The following NRXN1 variants were observed in gnomAD, a reference collection of about 807,000 sequenced individuals.
NRXN1 encodes the protein neurexin 1, also known as neurexin-1.
Under a neutral mutation model 150.9 loss-of-function variants are expected in NRXN1, and 39 were observed. That is an observed-to-expected ratio of 0.26 (90% CI 0.20 to 0.34). The LOEUF is 0.34. Ranked by LOEUF, NRXN1 falls within the 10% of genes least tolerant of loss-of-function variation. The probability of loss-of-function intolerance (pLI) is 1.00; values close to 1 mark genes in which losing one functional copy is unlikely to be tolerated. For missense variants in NRXN1, 1,815 were observed against 1,949.9 expected (o/e 0.93, Z 1.30); for synonymous variants, 924 against 757.0 (o/e 1.22, Z -3.62).
At chr2:50,202,075 A>C (rs1314850452) in intron 18 of NRXN1, among the ~76,000 whole-genome samples, 1 of 152,188 alleles carries the variant, frequency 6.6e-6, no homozygotes, top group Non-Finnish European at 1.5e-5. Flanking sequence ...TAAAGGGGGA[A>C]ACACATTTGT....
At chr2:50,628,369 C>G (rs914620594) in intron 5 of NRXN1, among the ~76,000 whole-genome samples, 3 of 151,630 alleles carry the variant, frequency 2.0e-5, no homozygotes, top group African/African-American at 7.3e-5. Context: ...AAGGCAACCA[C>G]ATAGTTTTGG....
chr2:50,497,280 C>T lies in NRXN1; in HGVS notation c.2879+53G>A, dbSNP rs75983042. On this transcript the variant is annotated intron_variant, in intron 14 of 22. Transcript: ENST00000401669. Reference sequence around the variant, plus strand: ...CTTAGTGTATATTTTTGGAAATTGACGTCCATTTTTCCAAAGTTTTATTTA... The same window carrying T: ...CTTAGTGTATATTTTTGGAAATTGATGTCCATTTTTCCAAAGTTTTATTTA... 2,886 of 1,378,480 alleles carry T rather than the reference C, an allele frequency of 2.1e-3. 55 individuals carry two copies. The African/African-American group carries it at 0.037, about 18-fold the overall frequency. The allele number at this position is 1,378,480 out of a possible 1,614,324, so 85.4% of individuals were successfully genotyped here. A position where few individuals can be genotyped will look rare whatever the true frequency, so the allele number is the denominator to read the frequency against.
At chr2:50,935,505 C>T (rs2104432935) in intron 2 of NRXN1, among the ~76,000 whole-genome samples, 1 of 152,200 alleles carries the variant, frequency 6.6e-6, no homozygotes, top group South Asian at 2.1e-4. Flanking sequence ...GAGGCCAAGG[C>T]AGGCAGATCA....
At chr2:50,384,376 T>C (rs1374087934) in intron 17 of NRXN1, among the ~76,000 whole-genome samples, 1 of 151,548 alleles carries the variant, frequency 6.6e-6, no homozygotes, top group East Asian at 1.9e-4. Flanking sequence ...TGTGGTTGTA[T>C]GCGCCTGTAG....
intron 2 of NRXN1, among the ~76,000 whole-genome samples, chr2:50,976,878 G>C (rs909894984): frequency 2.0e-5 from 3 of 151,978 alleles, no homozygotes; most frequent in South Asian, 2.1e-4. Context: ...TTAAGATATA[G>C]CCAAAAGAAT....
At chr2:50,260,801 C>A (rs983023925) in intron 17 of NRXN1, among the ~76,000 whole-genome samples, 2 of 151,506 alleles carry the variant, frequency 1.3e-5, no homozygotes, top group South Asian at 4.1e-4. Flanking sequence ...ATATTTGAAG[C>A]ACAGATTTCA....
rs113324227 is a variant in NRXN1, at chr2:50,489,519, A to C, written c.3070+6386T>G. Among the ~76,000 whole-genome samples the C allele has an allele frequency of 3.4e-4, 51 of 152,126 alleles. 3 individuals are homozygous for C. Among genetic ancestry groups the C allele is most frequent in the African/African-American group, 1.1e-3 (47 of 41,370 alleles). ...TTCTGAGCTATGGTAAAGAAATGTGAAACTGGGATAGCTGTGCAGGTCAAC... is the reference window on the plus strand; with the variant it reads ...TTCTGAGCTATGGTAAAGAAATGTGCAACTGGGATAGCTGTGCAGGTCAAC... On this transcript the variant is annotated intron_variant, in intron 15 of 22. Transcript: ENST00000401669.
intron 22 of NRXN1, among the ~76,000 whole-genome samples, chr2:49,939,281 G>GA (rs951719996): frequency 1.3e-5 from 2 of 152,146 alleles, no homozygotes; most frequent in African/African-American, 4.8e-5. Flanking sequence ...GAAAAATTAT[G>GA]AAAAAAATGT....
At chr2:50,432,190 G>C (rs1346848137) in intron 17 of NRXN1, 1 of 152,040 alleles carries the variant, frequency 6.6e-6, no homozygotes, top group African/African-American at 2.4e-5. Flanking sequence ...ATTCCAACCC[G>C]GTCACTTCCT....
chr2:50,285,535 T>A (rs971818416), intron 17 of NRXN1, among the ~76,000 whole-genome samples: 1 of 152,130 alleles, frequency 6.6e-6, no homozygotes, highest in African/African-American at 2.4e-5. Context: ...CCTGCAAATA[T>A]GGGGAAAACA....
At position 49,955,137 on chromosome 2, in the gene NRXN1, C is replaced by A. The variant is rs74740315; in HGVS notation, c.4129-11346G>T. 5.2e-4 allele frequency among the ~76,000 whole-genome samples: 79 copies of A among 152,158 alleles called. 6 individuals carry two copies. In the East Asian group the frequency reaches 5.2e-3, roughly 10 times the overall value. ...AATCATCACATTTTAAATAATCTTACTCTTGATGGTCATCCACTCTAAGCT... is the reference window on the plus strand; with the variant it reads ...AATCATCACATTTTAAATAATCTTAATCTTGATGGTCATCCACTCTAAGCT... On this transcript the variant is annotated intron_variant, in intron 21 of 22. Transcript: ENST00000401669.
At chr2:50,714,543 G>A (rs933219935) in intron 5 of NRXN1, among the ~76,000 whole-genome samples, 1 of 152,066 alleles carries the variant, frequency 6.6e-6, no homozygotes, top group Non-Finnish European at 1.5e-5. Flanking sequence ...CAGTATATGG[G>A]TGCATAAGGT....
At chr2:49,979,906 G>GTTTTTTTTT (rs958895922) in intron 21 of NRXN1, among the ~76,000 whole-genome samples, 1 of 65,990 alleles carries the variant, frequency 1.5e-5, no homozygotes, top group Non-Finnish European at 3.8e-5. Flanking sequence ...TGTTTTTTTG[G>GTTTTTTTTT]TTTTTTTTTT....
intron 18 of NRXN1, among the ~76,000 whole-genome samples, chr2:50,127,668 C>G (rs1054296390): frequency 6.6e-6 from 1 of 152,118 alleles, no homozygotes; most frequent in Non-Finnish European, 1.5e-5. Flanking sequence ...TAGAAGACAG[C>G]AATGACCAGG....
At chr2:49,943,564 A>T in intron 22 of NRXN1, 140 bp downstream of exon 22, 1 of 667,514 alleles carries the variant, frequency 1.5e-6, no homozygotes, top group Non-Finnish European at 2.7e-6. Context: ...TTATGTAAAA[A>T]ATAAGAGTCC....
intron 8 of NRXN1, among the ~76,000 whole-genome samples, chr2:50,578,682 C>T (rs1306301967): frequency 6.6e-6 from 1 of 151,712 alleles, no homozygotes. Flanking sequence ...CATCACCATC[C>T]CTCATTTTTA....
intron 17 of NRXN1, among the ~76,000 whole-genome samples, chr2:50,301,574 C>T (rs954305074): frequency 6.6e-6 from 1 of 152,114 alleles, no homozygotes; most frequent in East Asian, 1.9e-4. Flanking sequence ...TCTTCTTCAA[C>T]AAGGGAAAAG....
chr2:50,435,136 G>A (rs1400379939), intron 17 of NRXN1, among the ~76,000 whole-genome samples: 1 of 152,072 alleles, frequency 6.6e-6, no homozygotes, highest in Non-Finnish European at 1.5e-5. Context: ...AAAGTACACG[G>A]TTGCTAAGTT....
intron 19 of NRXN1, among the ~76,000 whole-genome samples, chr2:50,082,869 A>G (rs1277048823): frequency 6.6e-6 from 1 of 152,206 alleles, no homozygotes; most frequent in Non-Finnish European, 1.5e-5. Flanking sequence ...TCTCTATGTC[A>G]TTCCCAATAG....
Sources: gnomAD v4.1 joint callset for allele counts (sites outside exome capture counted in the v4.1 genomes callset) on GRCh38, gnomAD v4.1.1 for gene constraint, MANE v1.5 for transcripts, NCBI Gene and HGNC (gene_info 2026-07-23, HGNC 2026-07-21) for gene names.